NHEJ1: variants seen among roughly 807,000 people sequenced by gnomAD.
NHEJ1 encodes non-homologous end joining factor 1, also known as non-homologous end-joining factor 1.
Under a neutral mutation model 39.4 loss-of-function variants are expected in NHEJ1, and 22 were observed. The observed-to-expected ratio is 0.56, with a 90% CI of 0.40 to 0.80. The LOEUF is 0.80. Ranked by LOEUF, NHEJ1 falls within the 30% of genes least tolerant of loss-of-function variation. The pLI is 0.00. For missense variants in NHEJ1, 329 were observed against 357.1 expected, an observed-to-expected ratio of 0.92 and a Z score of 0.63; for synonymous variants, 154 against 135.6, an observed-to-expected ratio of 1.14 and a Z score of -0.94.
intron 5 of NHEJ1, among the ~76,000 whole-genome samples, chr2:219,115,185 A>AGAAGAT (rs56235135): frequency 6.8e-6 from 1 of 148,068 alleles, no homozygotes; most frequent in Non-Finnish European, 1.5e-5. Context: ...AAGAAGAAGA[A>AGAAGAT]AGGGGGCAGG....
At chr2:219,150,657 T>G (rs2106364053) in intron 3 of NHEJ1, among the ~76,000 whole-genome samples, 1 of 152,080 alleles carries the variant, frequency 6.6e-6, no homozygotes, top group South Asian at 2.1e-4. Flanking sequence ...TCATCTCTAC[T>G]AAAAATACAA....
intron 1 of NHEJ1, among the ~76,000 whole-genome samples, chr2:219,160,340 C>G (rs538271131): frequency 3.3e-5 from 5 of 152,308 alleles, no homozygotes; most frequent in African/African-American, 1.2e-4. Context: ...CAACCATAGC[C>G]CCACCCCAGG....
At chr2:219,103,245 T>TTTTA (rs1949282692) in intron 5 of NHEJ1, among the ~76,000 whole-genome samples, 2 of 151,860 alleles carry the variant, frequency 1.3e-5, no homozygotes, top group African/African-American at 4.8e-5. Flanking sequence ...AGGATACTAT[T>TTTTA]TTTATTTATT....
chr2:219,099,742 G>A (rs562551744), intron 5 of NHEJ1, among the ~76,000 whole-genome samples: 3 of 150,066 alleles, frequency 2.0e-5, no homozygotes, highest in Non-Finnish European at 4.4e-5. Flanking sequence ...GTGAGAGTGC[G>A]GCAGAAAAGA....
Position 219,157,691 on chromosome 2 carries a change from A to T in NHEJ1, c.178-7T>A. The T allele has an allele frequency of 6.2e-7, 1 of 1,611,110 alleles. No individual in the cohort carries two copies. Among genetic ancestry groups the T allele is most frequent in the Admixed American group, 1.7e-5 (1 of 59,588 alleles). ...TGAGCCGCTTGTTCAGCTCCTAAAG[A>T]GAGAGCAGTGGTACAGAGTAAGGGT... On this transcript the variant is annotated splice_polypyrimidine_tract_variant and splice_region_variant and intron_variant, in intron 2 of 7. Coordinates refer to ENST00000356853, the MANE Select transcript of NHEJ1 (RefSeq NM_024782.3).
In NHEJ1 at chr2:219,117,895, T is replaced by C. The variant is rs575821593; in HGVS notation, c.588+28785A>G. Reference sequence around the variant, plus strand: ...CCTGGCATACAATAGGTACAAAAAGTTGTAGCTATTACTGTTATTTGGGAT... The same window carrying C: ...CCTGGCATACAATAGGTACAAAAAGCTGTAGCTATTACTGTTATTTGGGAT... On this transcript the variant is annotated intron_variant, in intron 5 of 7. Coordinates refer to ENST00000356853, the MANE Select transcript of NHEJ1 (RefSeq NM_024782.3). Among the ~76,000 whole-genome samples the C allele has an allele frequency of 1.3e-4, 20 of 152,314 alleles. No homozygotes were observed. The South Asian group carries it at 3.9e-3, about 30-fold the overall frequency.
chr2:219,149,868 T>C (rs927725959), intron 3 of NHEJ1, among the ~76,000 whole-genome samples: 7 of 152,210 alleles, frequency 4.6e-5, no homozygotes, highest in Non-Finnish European at 1.0e-4. Flanking sequence ...CCACAGACAA[T>C]ATGTAAACAA....
At chr2:219,088,935 C>T (rs1672026) in intron 5 of NHEJ1, among the ~76,000 whole-genome samples, 6 of 152,200 alleles carry the variant, frequency 3.9e-5, no homozygotes, top group African/African-American at 1.2e-4. Flanking sequence ...GCCTCAGCCT[C>T]CCGAGTAGCT....
intron 5 of NHEJ1, among the ~76,000 whole-genome samples, chr2:219,110,886 C>A (rs767685843): frequency 3.3e-5 from 5 of 152,110 alleles, no homozygotes; most frequent in Non-Finnish European, 5.9e-5. Flanking sequence ...CATTTCAGAT[C>A]CTTTGGCTCT....
At chr2:219,156,902 C>A (rs745961600) in intron 3 of NHEJ1, among the ~76,000 whole-genome samples, 3 of 152,186 alleles carry the variant, frequency 2.0e-5, no homozygotes, top group Non-Finnish European at 2.9e-5. Flanking sequence ...TCATTAGAAT[C>A]CTTCAAGATC....
chr2:219,152,203 G>A (rs138294700), intron 3 of NHEJ1, among the ~76,000 whole-genome samples: 2 of 152,256 alleles, frequency 1.3e-5, no homozygotes, highest in African/African-American at 4.8e-5. Context: ...AGTTAAGGAG[G>A]TTAGGAAGTG....
intron 5 of NHEJ1, among the ~76,000 whole-genome samples, chr2:219,118,736 G>A (rs1949440323): frequency 6.6e-6 from 1 of 152,102 alleles, no homozygotes; most frequent in African/African-American, 2.4e-5. Flanking sequence ...CCTTAAACCC[G>A]CCCCAGGGAA....
intron 5 of NHEJ1, among the ~76,000 whole-genome samples, chr2:219,137,570 C>CAAAAAAAAAAAAAAAAAAA (rs58279021): frequency 3.5e-4 from 12 of 34,726 alleles, no homozygotes; most frequent in East Asian, 8.4e-4. Flanking sequence ...GTGTTACAGG[C>CAAAAAAAAAAAAAAAAAAA]AAAAAAAAAA....
At chr2:219,115,134 G>T (rs919465487) in intron 5 of NHEJ1, among the ~76,000 whole-genome samples, 23 of 143,668 alleles carry the variant, frequency 1.6e-4, no homozygotes, top group African/African-American at 5.7e-4. Context: ...TTTTCCAAAA[G>T]AATCCCACCG....
intron 5 of NHEJ1, among the ~76,000 whole-genome samples, chr2:219,116,806 G>C (rs1487640782): frequency 1.3e-5 from 2 of 152,168 alleles, no homozygotes; most frequent in Non-Finnish European, 2.9e-5. Flanking sequence ...TTCCACATTT[G>C]CAATAAACAA....
chr2:219,155,619 C>T (rs926039017), intron 3 of NHEJ1, among the ~76,000 whole-genome samples: 3 of 152,002 alleles, frequency 2.0e-5, no homozygotes, highest in Non-Finnish European at 2.9e-5. Flanking sequence ...TTACTGGGCT[C>T]CAGATCAAAA....
At position 219,157,989 on chromosome 2, in the gene NHEJ1, T is replaced by A. The variant is rs866539923; in HGVS notation, c.177+197A>T. ...AACTTTCTTTCTCTCTCTCTCTCTC[T>A]CTCACACACACACACACACACACAC... On this transcript the variant is annotated intron_variant, in intron 2 of 7. Coordinates refer to ENST00000356853, the MANE Select transcript of NHEJ1 (RefSeq NM_024782.3). Among the ~76,000 whole-genome samples, 52 of 119,146 alleles carry A rather than the reference T, an allele frequency of 4.4e-4. 1 individual carries two copies. In the South Asian group the frequency reaches 0.014, roughly 31 times the overall value. 78.2% of individuals were successfully genotyped at this position (119,146 alleles called of 152,430 possible).
At chr2:219,092,073 C>A (rs900721811) in intron 5 of NHEJ1, among the ~76,000 whole-genome samples, 16 of 152,146 alleles carry the variant, frequency 1.1e-4, no homozygotes, top group African/African-American at 3.6e-4. Flanking sequence ...TATGTACAGT[C>A]TGCTTTGAGA....
Position 219,147,721 on chromosome 2 carries a change from C to A in NHEJ1, c.465G>T (p.Thr155=). The A allele has an allele frequency of 6.2e-7, 1 of 1,614,172 alleles. No individual in the cohort carries two copies. Among genetic ancestry groups the A allele is most frequent in the Non-Finnish European group, 8.5e-7 (1 of 1,180,018 alleles). ...TCTCTAGGTCTTTCATATGAAGTAA[C>A]GTTGCTAGCTCCCTCACTTGGCACT... is the stretch of plus-strand genomic sequence containing the variant. ...ALQCQVRELA[T]LLHMKDLEIQ... The change falls in exon 4 of 8, where the codon ACG becomes ACT. Residue 155 remains threonine (T), a synonymous_variant. Transcript: ENST00000356853.
Sources: gnomAD v4.1 joint callset for allele counts (sites outside exome capture counted in the v4.1 genomes callset) on GRCh38, gnomAD v4.1.1 for gene constraint, MANE v1.5 for transcripts, NCBI Gene and HGNC (gene_info 2026-07-23, HGNC 2026-07-21) for gene names.